SMPX: variants seen among roughly 807,000 people sequenced by gnomAD.
SMPX encodes the protein small muscle protein X-linked, also known as small muscular protein.
Under a neutral mutation model 6.3 loss-of-function variants are expected in SMPX, and 2 were observed. The ratio of observed to expected loss-of-function variants is 0.32; its 90% confidence interval spans 0.13 to 0.99. SMPX has a LOEUF of 0.99. Among genes scored for constraint, SMPX ranks in the 50% least tolerant of loss-of-function variants. The probability of loss-of-function intolerance (pLI) is 0.49; values close to 1 mark genes in which losing one functional copy is unlikely to be tolerated. For missense variants in SMPX, 60 were observed against 66.8 expected, an observed-to-expected ratio of 0.90 and a Z score of 0.36; for synonymous variants, 32 against 24.7, an observed-to-expected ratio of 1.30 and a Z score of -0.88.
chrX:21,719,150 A>G (rs1233892826), intron 4 of SMPX, among the ~76,000 whole-genome samples: 4 of 112,049 alleles, frequency 3.6e-5, no homozygotes, highest in African/African-American at 1.3e-4. Flanking sequence ...TCCTGAGGAG[A>G]GTTTTCCCTC....
At chrX:21,741,007 AAG>A (rs944841908) in intron 3 of SMPX, among the ~76,000 whole-genome samples, 1 of 112,446 alleles carries the variant, frequency 8.9e-6, no homozygotes, top group Non-Finnish European at 1.9e-5. Context: ...ATTTGGCTGT[AAG>A]GCCTCAGTGT....
chrX:21,742,568 G>T (rs979116954), intron 3 of SMPX, among the ~76,000 whole-genome samples: 1 of 111,711 alleles, frequency 9.0e-6, no homozygotes, highest in Admixed American at 9.5e-5. Context: ...GCAGGGTAGG[G>T]CCAGGTTTTT....
chrX:21,738,398 C>T (rs1361459428), intron 3 of SMPX, among the ~76,000 whole-genome samples: 1 of 110,900 alleles, frequency 9.0e-6, no homozygotes, highest in African/African-American at 3.3e-5. Context: ...ATACACCAAA[C>T]ACACATACAA....
chrX:21,712,161 A>G (rs1412429993), intron 4 of SMPX, among the ~76,000 whole-genome samples: 2 of 112,590 alleles, frequency 1.8e-5, no homozygotes, highest in African/African-American at 3.2e-5. Context: ...AAAGTCAGAG[A>G]AACAAAACTC....
chrX:21,744,438 T>C (rs1366757665), intron 2 of SMPX, among the ~76,000 whole-genome samples: 2 of 112,101 alleles, frequency 1.8e-5, no homozygotes, highest in East Asian at 5.6e-4. Context: ...TCCCTTCGTA[T>C]CACCACCATT....
At chrX:21,715,314 G>A (rs867541837) in intron 4 of SMPX, among the ~76,000 whole-genome samples, 20 of 106,903 alleles carry the variant, frequency 1.9e-4, no homozygotes, top group Middle Eastern at 4.7e-3. Flanking sequence ...GCGCGCACGC[G>A]CGCGCGCTCG....
rs770195057 is a variant in SMPX at position 21,731,711 on chromosome X, T to TGTATA, written c.*14+5833_*14+5837dup. On this transcript the variant is annotated intron_variant, in intron 4 of 4. Transcript: ENST00000379494. Reference sequence around the variant, plus strand: ...ACATGTACACATAAATGTGTATATGTGTATATGTACACATTAATGTGTATA... The same window carrying TGTATA: ...ACATGTACACATAAATGTGTATATGTGTATAGTATATGTACACATTAATGTGTATA... Among the ~76,000 whole-genome samples, 789 of 102,634 alleles carry TGTATA rather than the reference T, an allele frequency of 7.7e-3. 9 individuals carry two copies. Among genetic ancestry groups the TGTATA allele is most frequent in the African/African-American group, 0.026 (742 of 28,136 alleles). 89.1% of individuals were successfully genotyped at this position (102,634 alleles called of 115,157 possible).
intron 4 of SMPX, among the ~76,000 whole-genome samples, chrX:21,708,807 A>G (rs2092775635): frequency 8.9e-6 from 1 of 112,593 alleles, no homozygotes. Flanking sequence ...ATTGTTGACC[A>G]TAAGTACAAT....
At chrX:21,735,348 C>G (rs572654952) in intron 4 of SMPX, among the ~76,000 whole-genome samples, 149 of 111,993 alleles carry the variant, frequency 1.3e-3, no homozygotes, top group African/African-American at 4.7e-3. Context: ...GATCAATTAC[C>G]CTGACAACTT....
At chrX:21,732,163 C>T (rs1250809881) in intron 4 of SMPX, among the ~76,000 whole-genome samples, 1 of 111,085 alleles carries the variant, frequency 9.0e-6, no homozygotes, top group Non-Finnish European at 1.9e-5. Flanking sequence ...GTAATGAGCG[C>T]CTTATGTTCT....
chrX:21,718,624 T>C (rs1266874065), intron 4 of SMPX, among the ~76,000 whole-genome samples: 1 of 112,057 alleles, frequency 8.9e-6, no homozygotes, highest in Non-Finnish European at 1.9e-5. Flanking sequence ...AAAGCAGAAA[T>C]GGGCAGTCTC....
chrX:21,718,683 G>A (rs1352245909), intron 4 of SMPX, among the ~76,000 whole-genome samples: 1 of 111,896 alleles, frequency 8.9e-6, no homozygotes, highest in African/African-American at 3.3e-5. Flanking sequence ...AGCCTTGTGA[G>A]GGAGACAGTT....
intron 2 of SMPX, 73 bp from the exon 3 acceptor site, chrX:21,743,909 G>A (rs1242887971): frequency 1.0e-5 from 8 of 798,818 alleles, no homozygotes; most frequent in South Asian, 4.2e-5. Flanking sequence ...GACAGTAATC[G>A]TTGTGAAGAA....
chrX:21,706,268 A>G lies in SMPX; in HGVS notation c.*141T>C, dbSNP rs777308966. The G allele has an allele frequency of 1.0e-5, 5 of 499,155 alleles. No homozygotes were observed. The highest frequency in any genetic ancestry group is 1.8e-5 in the Non-Finnish European group (5 of 278,719). The allele number at this position is 499,155 out of a possible 1,213,427, so 41.1% of individuals were successfully genotyped here. The stretch of plus-strand genomic sequence containing the variant: ...AGCCAACTAGAAGGAAGAGATATAA[A>G]TGTACAAACAGGCCATTTCTGCTAG... On this transcript the variant is annotated 3_prime_UTR_variant, in exon 5 of 5. Transcript: ENST00000379494.
At chrX:21,731,564 ATGTGTAT>A (rs1389971699) in intron 4 of SMPX, among the ~76,000 whole-genome samples, 3 of 43,979 alleles carry the variant, frequency 6.8e-5, no homozygotes, top group Admixed American at 2.8e-4. Context: ...TATACACATT[ATGTGTAT>A]ATGTGTATAT....
chrX:21,756,187 A>T (rs2092832711), intron 1 of SMPX, among the ~76,000 whole-genome samples: 1 of 112,686 alleles, frequency 8.9e-6, no homozygotes, highest in African/African-American at 3.2e-5. Context: ...GGAACTTGTT[A>T]AAAAAATTAT....
chrX:21,709,065 G>T (rs779514876), intron 4 of SMPX, among the ~76,000 whole-genome samples: 1 of 112,284 alleles, frequency 8.9e-6, no homozygotes, highest in Non-Finnish European at 1.9e-5. Context: ...ACCAATGGAC[G>T]TTTAGGTTGT....
intron 4 of SMPX, among the ~76,000 whole-genome samples, chrX:21,719,655 G>A (rs2092789494): frequency 8.9e-6 from 1 of 112,116 alleles, no homozygotes; most frequent in Non-Finnish European, 1.9e-5. Flanking sequence ...CTCAAACAAT[G>A]GATTTTTAGT....
chrX:21,710,111 G>A (rs1191633761), intron 4 of SMPX, among the ~76,000 whole-genome samples: 1 of 111,799 alleles, frequency 8.9e-6, no homozygotes, highest in Non-Finnish European at 1.9e-5. Context: ...TGTCCTTCAC[G>A]ACTGGGTTCA....
Sources: allele counts gnomAD v4.1 joint callset (sites outside exome capture counted in the v4.1 genomes callset), GRCh38; gene constraint gnomAD v4.1.1; transcripts MANE v1.5; gene names NCBI Gene and HGNC (gene_info 2026-07-23, HGNC 2026-07-21).